Variants in MTHFD1 observed in about 807,000 individuals in gnomAD.
MTHFD1 encodes C-1-tetrahydrofolate synthase, cytoplasmic.
A neutral mutation model predicts 110.3 loss-of-function variants in MTHFD1; 44 were observed. The observed-to-expected ratio is 0.40, with a 90% CI of 0.31 to 0.51. The LOEUF (loss-of-function observed/expected upper bound fraction) is 0.51. Ranked by LOEUF, MTHFD1 falls within the 20% of genes least tolerant of loss-of-function variation. The probability of loss-of-function intolerance (pLI) is 0.60; values close to 1 mark genes in which losing one functional copy is unlikely to be tolerated. For missense variants in MTHFD1, 909 were observed against 1,173.1 expected, an observed-to-expected ratio of 0.77 and a Z score of 3.29; for synonymous variants, 402 against 428.8, an observed-to-expected ratio of 0.94 and a Z score of 0.77.
chr14:64,435,546 T>G, intron 15 of MTHFD1, 23 bp from the exon 16 acceptor site: 3 of 1,477,078 alleles, frequency 2.0e-6, no homozygotes, highest in Non-Finnish European at 2.8e-6. Context: ...TTATTTTATG[T>G]TTTCATTTTC....
intron 1 of MTHFD1, among the ~76,000 whole-genome samples, chr14:64,390,937 C>T (rs563038749): frequency 6.6e-6 from 1 of 152,286 alleles, no homozygotes; most frequent in African/African-American, 2.4e-5. Context: ...GCATGAGCCA[C>T]TGCACCGGTC....
In MTHFD1 at chr14:64,417,765, A is replaced by G; in HGVS notation, c.479-123A>G. The G allele has an allele frequency of 8.2e-7, 1 of 1,222,226 alleles. No individual in the cohort carries two copies. The highest frequency in any genetic ancestry group is 1.2e-6 in the Non-Finnish European group (1 of 836,482). The allele number at this position is 1,222,226 out of a possible 1,614,324, so 75.7% of individuals were successfully genotyped here. ...TTATTGCCAAAGAAGGAATGCTTTT[A>G]GGAAGGTTTCTGTTTGATGTTAAGA... On this transcript the variant is annotated intron_variant, in intron 6 of 27. Coordinates refer to ENST00000652337, the MANE Select transcript of MTHFD1 (RefSeq NM_005956.4). The surrounding 1 kb of genome is among the most constrained non-coding windows in gnomAD (Gnocchi z 4.4).
intron 2 of MTHFD1, among the ~76,000 whole-genome samples, chr14:64,404,698 C>T (rs960463298): frequency 1.3e-5 from 2 of 152,162 alleles, no homozygotes; most frequent in African/African-American, 2.4e-5. Context: ...GGGCATGGTG[C>T]GGTGGCTCAT....
chr14:64,448,638 T>C (rs2078318352), intron 23 of MTHFD1: 1 of 344,914 alleles, frequency 2.9e-6, no homozygotes, highest in Non-Finnish European at 5.5e-6. Flanking sequence ...CCTATAGTGT[T>C]CCATTATTTT....
intron 16 of MTHFD1, among the ~76,000 whole-genome samples, chr14:64,438,868 A>G (rs781422749): frequency 2.3e-4 from 35 of 152,346 alleles, no homozygotes; most frequent in Non-Finnish European, 4.4e-4. Context: ...TCTAGATGGG[A>G]TAAAACCAAG....
At chr14:64,446,642 C>T (rs1043794111) in intron 22 of MTHFD1, among the ~76,000 whole-genome samples, 4 of 151,814 alleles carry the variant, frequency 2.6e-5, no homozygotes, top group African/African-American at 9.7e-5. Flanking sequence ...CCTGGGTTCA[C>T]ACCATTCTCC....
intron 17 of MTHFD1, among the ~76,000 whole-genome samples, chr14:64,439,872 C>T (rs59981106): frequency 0.022 from 2,601 of 120,156 alleles, 81 homozygotes; most frequent in African/African-American, 0.08. Context: ...CCAGCCTGGG[C>T]AACAGACCGA....
rs371016333 is a variant in MTHFD1, at chr14:64,415,393, T to G, written c.276T>G (p.Ser92=). Residue 92 remains serine (S), a synonymous_variant, in exon 5 of 28, where the codon TCT becomes TCG. Coordinates refer to ENST00000652337, the MANE Select transcript of MTHFD1 (RefSeq NM_005956.4). Reference sequence around the variant, plus strand: ...ACATTACATCTTTGAATGAAGACTCTACTGTACATGGGTTCTTAGTGCAGC... The same window carrying G: ...ACATTACATCTTTGAATGAAGACTCGACTGTACATGGGTTCTTAGTGCAGC... The part of the protein sequence containing the change: ...MKYITSLNED[S]TVHGFLVQLP... 4.8e-5 allele frequency: 77 copies of G among 1,610,918 alleles called. No homozygotes were observed. The highest frequency in any genetic ancestry group is 6.2e-5 in the Non-Finnish European group (73 of 1,177,114).
intron 15 of MTHFD1, among the ~76,000 whole-genome samples, chr14:64,433,933 C>G (rs990904000): frequency 7.9e-5 from 12 of 151,842 alleles, no homozygotes; most frequent in African/African-American, 2.4e-4. Context: ...GAGAGGCTGA[C>G]ACAAGAGAAT....
intron 7 of MTHFD1, 92 bp from the exon 8 acceptor site, chr14:64,419,722 A>G (rs1177247988): frequency 4.6e-6 from 4 of 861,118 alleles, no homozygotes; most frequent in Admixed American, 1.9e-5. Flanking sequence ...AGAATTTAAT[A>G]CAAAGCTCAG....
At position 64,394,588 on chromosome 14, in the gene MTHFD1, C is replaced by T. The variant is rs552619737; in HGVS notation, c.41+6120C>T. On this transcript the variant is annotated intron_variant, in intron 1 of 27. Coordinates refer to ENST00000652337, the MANE Select transcript of MTHFD1 (RefSeq NM_005956.4). ...CCTCACCACAAGCCTGGACGGGAGA[C>T]GTACTGCTTGGTATCTGGTGCTTGA... 1.1e-4 allele frequency among the ~76,000 whole-genome samples: 16 copies of T among 151,642 alleles called. No homozygotes were observed. In the South Asian group the frequency reaches 1.3e-3, roughly 12 times the overall value.
intron 9 of MTHFD1, among the ~76,000 whole-genome samples, chr14:64,425,528 A>G (rs947637825): frequency 2.6e-5 from 4 of 151,954 alleles, no homozygotes; most frequent in African/African-American, 7.3e-5. Flanking sequence ...CCTTTCTAAC[A>G]TGCACCAGCT....
chr14:64,453,890 ACT>A (rs745606062), intron 25 of MTHFD1, 29 bp downstream of exon 25: 4 of 1,391,220 alleles, frequency 2.9e-6, no homozygotes, highest in East Asian at 2.3e-5. Context: ...TGTCCTTTCA[ACT>A]CTTTGCAAAG....
chr14:64,433,338 C>T (rs1333906749), intron 15 of MTHFD1, among the ~76,000 whole-genome samples: 1 of 152,064 alleles, frequency 6.6e-6, no homozygotes, highest in Non-Finnish European at 1.5e-5. Flanking sequence ...AGGCTGGTCT[C>T]GAACTCCTGA....
rs959675185 is a variant in MTHFD1 at position 64,442,126 on chromosome 14, C to T, written c.1957C>T (p.Arg653Trp). 23 of 1,613,986 alleles carry T rather than the reference C, an allele frequency of 1.4e-5. No homozygotes were observed. The highest frequency in any genetic ancestry group is 1.9e-5 in the Non-Finnish European group (22 of 1,180,024). Reference sequence around the variant, plus strand: ...TGGCAATTCCTCCATCATTGCAGACCGGATCGCACTCAAGCTTGTTGGCCC... The same window carrying T: ...TGGCAATTCCTCCATCATTGCAGACTGGATCGCACTCAAGCTTGTTGGCCC... ...AHGNSSIIADRIALKLVGPEG... is the reference protein window; with the variant it reads ...AHGNSSIIADWIALKLVGPEG... Residue 653 changes from arginine to tryptophan, a missense_variant, in exon 20 of 28, where the codon CGG becomes TGG. Physicochemically the swap from Arg to Trp is moderately radical, Grantham distance 101. Around this residue, in one of 3 missense-constraint regions of MTHFD1, gnomAD observed 482 missense variants for 646.0 expected, o/e 0.75. Coordinates refer to ENST00000652337, the MANE Select transcript of MTHFD1 (RefSeq NM_005956.4).
At chr14:64,450,786 C>T (rs1208301940) in intron 24 of MTHFD1, among the ~76,000 whole-genome samples, 1 of 152,172 alleles carries the variant, frequency 6.6e-6, no homozygotes, top group Non-Finnish European at 1.5e-5. Context: ...TGGCACACTG[C>T]AGCCTCAACC....
chr14:64,390,491 AT>A (rs898695383), intron 1 of MTHFD1: 23 of 146,190 alleles, frequency 1.6e-4, no homozygotes, highest in South Asian at 4.3e-4. Flanking sequence ...CGCCTAGCTA[AT>A]TTTTTTTTTT....
chr14:64,437,695 T>C (rs1208676815), intron 16 of MTHFD1, among the ~76,000 whole-genome samples: 1 of 152,196 alleles, frequency 6.6e-6, no homozygotes, highest in Non-Finnish European at 1.5e-5. Context: ...CACAACCCCC[T>C]GCTCAGGTTC....
At chr14:64,411,458 A>G (rs1055806195) in intron 3 of MTHFD1, among the ~76,000 whole-genome samples, 1 of 152,154 alleles carries the variant, frequency 6.6e-6, no homozygotes, top group African/African-American at 2.4e-5. Context: ...ACAGGTCTAT[A>G]CCTTTCTCCG....
Sources: allele counts gnomAD v4.1 joint callset (sites outside exome capture counted in the v4.1 genomes callset), GRCh38; gene constraint gnomAD v4.1.1; regional missense constraint gnomAD v4.1.1; non-coding constraint Gnocchi (gnomAD v3.1); transcripts MANE v1.5; gene names NCBI Gene and HGNC (gene_info 2026-07-23, HGNC 2026-07-21).